Variants in PTCHD4 observed in about 807,000 individuals in gnomAD.
The protein encoded by PTCHD4 is patched domain containing 4.
Under a neutral mutation model 58.1 loss-of-function variants are expected in PTCHD4, and 33 were observed. That is an observed-to-expected ratio of 0.57 (90% CI 0.43 to 0.76). PTCHD4 has a LOEUF of 0.76. PTCHD4 is among the 30% of genes least tolerant of loss of function. The pLI, the probability that PTCHD4 is intolerant of heterozygous loss-of-function variation, is 0.00. For missense variants in PTCHD4, 1,058 were observed against 1,027.1 expected, an observed-to-expected ratio of 1.03 and a Z score of -0.41; for synonymous variants, 478 against 409.6, an observed-to-expected ratio of 1.17 and a Z score of -2.02.
In PTCHD4 at chr6:47,863,539, G is replaced by T. The variant is rs1763483128; in HGVS notation, c.*14764C>A. On this transcript the variant is annotated 3_prime_UTR_variant, in exon 5 of 5. Transcript: ENST00000339488. The stretch of plus-strand genomic sequence containing the variant: ...AAATGCAATATGCCCAGTTAAATTT[G>T]AATTTCAGAGAAACAAGTATTTTTA... Among the ~76,000 whole-genome samples, 1 of 151,908 alleles carries T rather than the reference G, an allele frequency of 6.6e-6. No homozygotes were observed. The highest frequency in any genetic ancestry group is 2.1e-4 in the South Asian group (1 of 4,826).
intron 3 of PTCHD4, among the ~76,000 whole-genome samples, chr6:48,042,109 A>G (rs1303087603): frequency 6.6e-6 from 1 of 152,034 alleles, no homozygotes; most frequent in Non-Finnish European, 1.5e-5. Context: ...CAAAAGGCCA[A>G]TGATACACTG....
At chr6:48,027,165 C>T (rs1465141058) in intron 3 of PTCHD4, among the ~76,000 whole-genome samples, 1 of 151,888 alleles carries the variant, frequency 6.6e-6, no homozygotes, top group South Asian at 2.1e-4. Flanking sequence ...GATAACACTA[C>T]CAAATTAATT....
intron 4 of PTCHD4, among the ~76,000 whole-genome samples, chr6:47,935,118 G>T (rs1417343391): frequency 1.3e-5 from 2 of 152,066 alleles, no homozygotes; most frequent in Non-Finnish European, 2.9e-5. Flanking sequence ...TTAGAAATTG[G>T]ATACTTTTAA....
At chr6:47,892,919 T>A (rs1437576098) in intron 4 of PTCHD4, among the ~76,000 whole-genome samples, 2 of 152,172 alleles carry the variant, frequency 1.3e-5, no homozygotes, top group African/African-American at 4.8e-5. Context: ...AGTTCAGGAA[T>A]GGGATGATTC....
intron 1 of PTCHD4, among the ~76,000 whole-genome samples, chr6:48,108,422 A>G (rs1187720979): frequency 6.6e-6 from 1 of 151,980 alleles, no homozygotes; most frequent in Non-Finnish European, 1.5e-5. Context: ...TGGACACAGG[A>G]AGGGGAACAT....
At chr6:47,995,232 A>G (rs1175699369) in intron 4 of PTCHD4, among the ~76,000 whole-genome samples, 1 of 152,210 alleles carries the variant, frequency 6.6e-6, no homozygotes, top group African/African-American at 2.4e-5. Flanking sequence ...GTTTACCAAC[A>G]AAAGGAGGTG....
chr6:47,951,807 A>T (rs917243184), intron 4 of PTCHD4, among the ~76,000 whole-genome samples: 1 of 152,138 alleles, frequency 6.6e-6, no homozygotes, highest in Non-Finnish European at 1.5e-5. Flanking sequence ...ATTAATTTAC[A>T]TATGAATATA....
chr6:47,973,828 G>A (rs917950145), intron 4 of PTCHD4, among the ~76,000 whole-genome samples: 1 of 152,192 alleles, frequency 6.6e-6, no homozygotes, highest in Non-Finnish European at 1.5e-5. Flanking sequence ...TTAAAGCCAT[G>A]CTCTTGCAAA....
At chr6:47,896,058 A>G (rs1764519424) in intron 4 of PTCHD4, among the ~76,000 whole-genome samples, 1 of 152,236 alleles carries the variant, frequency 6.6e-6, no homozygotes, top group African/African-American at 2.4e-5. Flanking sequence ...AAACTTGTTA[A>G]GCTCAAAAGC....
intron 1 of PTCHD4, among the ~76,000 whole-genome samples, chr6:48,109,031 T>C (rs1318608514): frequency 6.6e-6 from 1 of 152,076 alleles, no homozygotes. Flanking sequence ...AATGAAATAA[T>C]CATTTTCTAG....
chr6:47,973,575 T>C (rs1484429861), intron 4 of PTCHD4, among the ~76,000 whole-genome samples: 1 of 152,170 alleles, frequency 6.6e-6, no homozygotes, highest in Non-Finnish European at 1.5e-5. Context: ...TGCTGGATTG[T>C]GGGCAGTTGG....
intron 4 of PTCHD4, among the ~76,000 whole-genome samples, chr6:48,002,187 G>T (rs1180654345): frequency 6.6e-6 from 1 of 152,228 alleles, no homozygotes; most frequent in Non-Finnish European, 1.5e-5. Flanking sequence ...TTCAACCATT[G>T]TGGAAGTCGG....
intron 3 of PTCHD4, among the ~76,000 whole-genome samples, chr6:48,057,179 T>TTG (rs201218170): frequency 3.4e-4 from 39 of 113,736 alleles, no homozygotes; most frequent in Non-Finnish European, 4.4e-4. Flanking sequence ...CGGTTTTTTT[T>TTG]GTTTTTTTTT....
chr6:47,873,102 G>C lies in PTCHD4; in HGVS notation c.*5201C>G, dbSNP rs532679842. 2.0e-5 allele frequency among the ~76,000 whole-genome samples: 3 copies of C among 151,646 alleles called. No individual in the cohort carries two copies. The highest frequency in any genetic ancestry group is 4.2e-4 in the South Asian group (2 of 4,814). On this transcript the variant is annotated 3_prime_UTR_variant, in exon 5 of 5. Transcript: ENST00000339488. ...CACTTTCACTAACAAAAGGGTCTAC[G>C]GCTCTTCCTTTGTGCTTGGAAATTC...
intron 4 of PTCHD4, among the ~76,000 whole-genome samples, chr6:47,989,859 A>C (rs182367655): frequency 1.3e-5 from 2 of 152,182 alleles, no homozygotes; most frequent in African/African-American, 4.8e-5. Context: ...AGCTGTGCGA[A>C]GAAGGCCACT....
intron 3 of PTCHD4, among the ~76,000 whole-genome samples, chr6:48,016,992 T>C (rs1242310506): frequency 6.6e-6 from 1 of 152,230 alleles, no homozygotes; most frequent in Non-Finnish European, 1.5e-5. Flanking sequence ...TGATTTTCCA[T>C]GAGGCAGACA....
At chr6:47,975,732 C>G (rs1456800362) in intron 4 of PTCHD4, among the ~76,000 whole-genome samples, 1 of 152,162 alleles carries the variant, frequency 6.6e-6, no homozygotes, top group East Asian at 1.9e-4. Flanking sequence ...ACCTATTAAT[C>G]AGCTTGGCAT....
intron 1 of PTCHD4, among the ~76,000 whole-genome samples, chr6:48,086,627 T>C (rs1765270971): frequency 6.6e-6 from 1 of 152,168 alleles, no homozygotes; most frequent in Non-Finnish European, 1.5e-5. Flanking sequence ...ACAAATGAAC[T>C]AAACATTTTG....
At chr6:48,002,601 G>C (rs1318239244) in intron 4 of PTCHD4, among the ~76,000 whole-genome samples, 1 of 150,890 alleles carries the variant, frequency 6.6e-6, no homozygotes, top group Non-Finnish European at 1.5e-5. Context: ...ACACACTGGG[G>C]CCTGTTGTGG....
Sources: allele counts gnomAD v4.1 joint callset (sites outside exome capture counted in the v4.1 genomes callset), GRCh38; gene constraint gnomAD v4.1.1; transcripts MANE v1.5; gene names NCBI Gene and HGNC (gene_info 2026-07-23, HGNC 2026-07-21).